The following KIT variants were observed in gnomAD, a reference collection of about 807,000 sequenced individuals.
KIT encodes mast/stem cell growth factor receptor Kit.
Under a neutral mutation model 105.7 loss-of-function variants are expected in KIT, and 16 were observed. That is an observed-to-expected ratio of 0.15 (90% CI 0.10 to 0.23). KIT has a LOEUF of 0.23. Among genes scored for constraint, KIT ranks in the 10% least tolerant of loss-of-function variants. KIT has a pLI of 1.00. For synonymous variants in KIT, 438 were observed against 441.1 expected, an observed-to-expected ratio of 0.99 and a Z score of 0.09; for missense variants, 858 against 1,213.8, an observed-to-expected ratio of 0.71 and a Z score of 4.36.
At chr4:54,738,373 T>A in intron 20 of KIT, 56 bp from the exon 21 acceptor site, 1 of 1,599,506 alleles carries the variant, frequency 6.3e-7, no homozygotes, top group Non-Finnish European at 8.6e-7. Context: ...GTATGCCTTT[T>A]GTTGCTATGT....
intron 7 of KIT, among the ~76,000 whole-genome samples, chr4:54,715,548 G>C (rs1413826082): frequency 6.6e-6 from 1 of 152,052 alleles, no homozygotes; most frequent in African/African-American, 2.4e-5. Context: ...AGGAAAGAGA[G>C]AGAGGAGAAG....
At chr4:54,662,641 C>T (rs535388330) in intron 1 of KIT, among the ~76,000 whole-genome samples, 47 of 152,266 alleles carry the variant, frequency 3.1e-4, no homozygotes, top group African/African-American at 1.1e-3. Flanking sequence ...GGCGCAATCT[C>T]GTCTCACTGC....
intron 1 of KIT, among the ~76,000 whole-genome samples, chr4:54,665,718 A>G (rs1031245975): frequency 6.6e-6 from 1 of 151,634 alleles, no homozygotes; most frequent in Non-Finnish European, 1.5e-5. Flanking sequence ...ATGATGTTGG[A>G]CTCTGCTGGG....
chr4:54,658,109 C>T (rs778329597), intron 1 of KIT, 28 bp downstream of exon 1: 9 of 1,609,628 alleles, frequency 5.6e-6, no homozygotes, highest in Admixed American at 5.0e-5. Flanking sequence ...GCACCCCGAC[C>T]GTGCGACTAC....
At position 54,688,895 on chromosome 4, in the gene KIT, T is replaced by G. The variant is rs143794328; in HGVS notation, c.68-6617T>G. Among the ~76,000 whole-genome samples the G allele has an allele frequency of 2.0e-3, 306 of 152,362 alleles. 2 individuals carry two copies. Among genetic ancestry groups the G allele is most frequent in the African/African-American group, 6.9e-3 (287 of 41,584 alleles). On this transcript the variant is annotated intron_variant, in intron 1 of 20. Transcript: ENST00000288135. The stretch of plus-strand genomic sequence containing the variant: ...ATAGGCCTAATGGACAGCTAGGAGA[T>G]GGACAGCTGCCTATCTTTTGATGGA...
rs757685158 is a variant in KIT at position 54,735,383 on chromosome 4, AAAAAAAAAAG to A, written c.2485-1114_2485-1105del. ...TTTAACACCAAAAAAAAAAAAGAAAAAAAAAAAAAGCTTTCCCAGTTTTCAATCCTAAATG... is the reference window on the plus strand; with the variant it reads ...TTTAACACCAAAAAAAAAAAAGAAAACTTTCCCAGTTTTCAATCCTAAATG... On this transcript the variant is annotated intron_variant, in intron 17 of 20. Coordinates refer to ENST00000288135, the MANE Select transcript of KIT (RefSeq NM_000222.3). Among the ~76,000 whole-genome samples, 682 of 151,446 alleles carry A rather than the reference AAAAAAAAAAG, an allele frequency of 4.5e-3. 7 individuals carry two copies. The highest frequency in any genetic ancestry group is 0.015 in the South Asian group (73 of 4,812).
chr4:54,685,103 T>C (rs1454614155), intron 1 of KIT, among the ~76,000 whole-genome samples: 1 of 152,172 alleles, frequency 6.6e-6, no homozygotes, highest in Non-Finnish European at 1.5e-5. Flanking sequence ...CCTTTAGCAG[T>C]GGAGTCATTG....
At chr4:54,734,844 T>A (rs145576059) in intron 17 of KIT, among the ~76,000 whole-genome samples, 154 of 152,296 alleles carry the variant, frequency 1.0e-3, no homozygotes, top group African/African-American at 3.7e-3. Flanking sequence ...TTTCAACGCC[T>A]ATGATGAAAT....
rs34771962 is a variant in KIT at position 54,698,809 on chromosome 4, G to C, written c.619+244G>C. 0.045 allele frequency among the ~76,000 whole-genome samples: 6,877 copies of C among 152,272 alleles called. 296 individuals are homozygous for C. Among genetic ancestry groups the C allele is most frequent in the Admixed American group, 0.14 (2,086 of 15,292 alleles). On this transcript the variant is annotated intron_variant, in intron 3 of 20. Coordinates refer to ENST00000288135, the MANE Select transcript of KIT (RefSeq NM_000222.3). ...CTGCCATAGATTGGCATTTAGACTG[G>C]ACTGACTTAAGTCAGCCCAAAGTTT... is the stretch of plus-strand genomic sequence containing the variant.
chr4:54,709,552 A>T lies in KIT; in HGVS notation c.1231+13A>T, dbSNP rs765419741. ...GTTTATGTGAATAGTAAGTAACATG[A>T]AGGGCTCCTTTTAATTTTTTATTCT... is the stretch of plus-strand genomic sequence containing the variant. On this transcript the variant is annotated intron_variant, in intron 7 of 20. Coordinates refer to ENST00000288135, the MANE Select transcript of KIT (RefSeq NM_000222.3). 1.1e-5 allele frequency: 16 copies of T among 1,475,352 alleles called. No homozygotes were observed. Among genetic ancestry groups the T allele is most frequent in the Admixed American group, 1.7e-5 (1 of 59,852 alleles). The allele number at this position is 1,475,352 out of a possible 1,614,324, so 91.4% of individuals were successfully genotyped here.
intron 7 of KIT, among the ~76,000 whole-genome samples, chr4:54,722,852 T>TA (rs1721970127): frequency 7.9e-6 from 1 of 126,822 alleles, no homozygotes; most frequent in South Asian, 2.1e-4. Context: ...TTTATATATA[T>TA]TTTTATATAT....
At chr4:54,674,454 T>C (rs1718326575) in intron 1 of KIT, among the ~76,000 whole-genome samples, 1 of 152,214 alleles carries the variant, frequency 6.6e-6, no homozygotes, top group Admixed American at 6.5e-5. Flanking sequence ...TCTAGAGTTG[T>C]TGTGGATGTT....
Position 54,739,906 on chromosome 4 carries a change from C to T in KIT, c.*1349C>T, listed in dbSNP as rs145007262. On this transcript the variant is annotated 3_prime_UTR_variant, in exon 21 of 21. Coordinates refer to ENST00000288135, the MANE Select transcript of KIT (RefSeq NM_000222.3). ...CACTTAAGGCACTCTGTTATTTAGA[C>T]TCATCTTACTGTACCTGTTCCTTAG... The T allele has an allele frequency of 5.7e-4, 132 of 233,466 alleles. No individual in the cohort carries two copies. Among genetic ancestry groups the T allele is most frequent in the African/African-American group, 2.6e-3 (116 of 45,434 alleles). 14.5% of individuals were successfully genotyped at this position (233,466 alleles called of 1,614,324 possible).
At chr4:54,711,647 C>T (rs948774282) in intron 7 of KIT, among the ~76,000 whole-genome samples, 1 of 142,790 alleles carries the variant, frequency 7.0e-6, no homozygotes, top group African/African-American at 2.4e-5. Context: ...AGAGGCTGGA[C>T]GCGGTGGCTC....
intron 7 of KIT, among the ~76,000 whole-genome samples, chr4:54,722,840 TA>T (rs1721965191): frequency 6.6e-5 from 9 of 136,342 alleles, no homozygotes; most frequent in Admixed American, 4.9e-4. Context: ...TATTTATATA[TA>T]TTTATATATA....
In KIT at chr4:54,709,409, G is replaced by A. The variant is rs1192318560; in HGVS notation, c.1116-15G>A. On this transcript the variant is annotated splice_polypyrimidine_tract_variant and intron_variant, in intron 6 of 20. Transcript: ENST00000288135. ...GCTATCCACAGGTGATTGACTAGTT[G>A]TCTTTTCTTTGTAGATACGTAAGTG... is the stretch of plus-strand genomic sequence containing the variant. 3 of 1,513,890 alleles carry A rather than the reference G, an allele frequency of 2.0e-6. No individual in the cohort carries two copies. The highest frequency in any genetic ancestry group is 4.5e-5 in the East Asian group (2 of 44,382). 93.8% of individuals were successfully genotyped at this position (1,513,890 alleles called of 1,614,324 possible).
At chr4:54,718,091 TTTTTG>T (rs953523765) in intron 7 of KIT, among the ~76,000 whole-genome samples, 1 of 152,134 alleles carries the variant, frequency 6.6e-6, no homozygotes, top group African/African-American at 2.4e-5. Context: ...CTGTAGCCTG[TTTTTG>T]TTTTGTTTTG....
chr4:54,660,388 A>C (rs1178977714), intron 1 of KIT, among the ~76,000 whole-genome samples: 2 of 152,140 alleles, frequency 1.3e-5, no homozygotes, highest in Non-Finnish European at 2.9e-5. Context: ...GTGAGGCTGG[A>C]GTCATTCTCA....
intron 4 of KIT, among the ~76,000 whole-genome samples, chr4:54,702,202 A>G (rs571664585): frequency 2.6e-5 from 4 of 152,328 alleles, no homozygotes; most frequent in African/African-American, 9.6e-5. Flanking sequence ...CGTCATAGAT[A>G]GCAATGCTGT....
Sources: allele counts gnomAD v4.1 joint callset (sites outside exome capture counted in the v4.1 genomes callset), GRCh38; gene constraint gnomAD v4.1.1; transcripts MANE v1.5; gene names NCBI Gene and HGNC (gene_info 2026-07-23, HGNC 2026-07-21).